The following IRS2 variants were observed in gnomAD, a reference collection of about 807,000 sequenced individuals.
IRS2 encodes insulin receptor substrate 2.
A neutral mutation model predicts 70.9 loss-of-function variants in IRS2; 28 were observed. The observed-to-expected ratio is 0.39, with a 90% confidence interval of 0.29 to 0.54. IRS2 has a LOEUF of 0.54. Ranked by LOEUF, IRS2 falls within the 20% of genes least tolerant of loss-of-function variation. IRS2 has a pLI of 0.59. For synonymous variants in IRS2, 1,217 were observed against 981.9 expected (o/e 1.24, Z -4.48); for missense variants, 2,081 against 2,024.1 (o/e 1.03, Z -0.54).
rs1877838854 is a variant in IRS2, at chr13:109,784,257, G to A, written c.1797C>T (p.Thr599=). Residue 599 remains threonine, a synonymous_variant, in exon 1 of 2, where the codon ACC becomes ACT. Coordinates refer to ENST00000375856, the MANE Select transcript of IRS2 (RefSeq NM_003749.3). This position sits in a 1 kb window ranked among gnomAD's most constrained non-coding sequence, Gnocchi z 5.2. ...TGCCCGAGAAGGTGGCCCGCATCAG[G>A]GTGTATTCATCCAGCGAGGCAGAGG... ...QPSSASLDEY[T]LMRATFSGSA... is the part of the protein sequence containing the mutation. 1.9e-6 allele frequency: 3 copies of A among 1,587,936 alleles called. No individual in the cohort carries two copies. The highest frequency in any genetic ancestry group is 1.7e-6 in the Non-Finnish European group (2 of 1,166,284).
chr13:109,782,305 C>A lies in IRS2; in HGVS notation c.3749G>T (p.Gly1250Val), dbSNP rs779999834. 1.2e-6 allele frequency: 2 copies of A among 1,611,504 alleles called. No homozygotes were observed. The highest frequency in any genetic ancestry group is 1.7e-6 in the Non-Finnish European group (2 of 1,179,410). The change falls in exon 1 of 2, where the codon GGT becomes GTT. Residue 1250 changes from glycine to valine, a missense_variant. By Grantham distance (109) the Gly-to-Val change is moderately radical. Around this residue, in one of 4 missense-constraint regions of IRS2, gnomAD observed 1,615 missense variants for 1,459.5 expected, o/e 1.11. Transcript: ENST00000375856. Reference sequence around the variant, plus strand: ...CACGTCGATGGCGATGTAGTTGAGACCATTCTGGAAGCCGGCAGAGGTCTC... The same window carrying A: ...CACGTCGATGGCGATGTAGTTGAGAACATTCTGGAAGCCGGCAGAGGTCTC... ...RRETSAGFQNGLNYIAIDVRE... is the reference protein window; with the variant it reads ...RRETSAGFQNVLNYIAIDVRE...
chr13:109,786,506 C>CTGCTGCTGGTGT lies in IRS2; in HGVS notation c.-454_-453insACACCAGCAGCA, dbSNP rs1282705792. The CTGCTGCTGGTGT allele has an allele frequency of 6.5e-6, 1 of 154,178 alleles. No homozygotes were observed. The highest frequency in any genetic ancestry group is 1.7e-4 in the East Asian group (1 of 5,944). 9.6% of individuals were successfully genotyped at this position (154,178 alleles called of 1,614,324 possible). A position where few individuals can be genotyped will look rare whatever the true frequency, so the allele number is the denominator to read the frequency against. On this transcript the variant is annotated 5_prime_UTR_variant, in exon 1 of 2. Transcript: ENST00000375856. This position sits in a 1 kb window ranked among gnomAD's most constrained non-coding sequence, Gnocchi z 4.4. ...GGGGTCCGCGCCGCCGCCGGGGCTG[C>CTGCTGCTGGTGT]TGCTGCTGCTGGTGTTGCTGCTGCT...
At chr13:109,776,000 T>A (rs1358116783) in intron 1 of IRS2, among the ~76,000 whole-genome samples, 1 of 151,884 alleles carries the variant, frequency 6.6e-6, no homozygotes, top group African/African-American at 2.4e-5. Flanking sequence ...ATACAAAAAA[T>A]TAGCAGGGCA....
chr13:109,777,461 A>T (rs993863488), intron 1 of IRS2, among the ~76,000 whole-genome samples: 1 of 152,216 alleles, frequency 6.6e-6, no homozygotes, highest in Non-Finnish European at 1.5e-5. Flanking sequence ...ACTTCTAAAG[A>T]AAATAAAATA....
At chr13:109,775,836 C>A (rs1877562409) in intron 1 of IRS2, among the ~76,000 whole-genome samples, 1 of 151,390 alleles carries the variant, frequency 6.6e-6, no homozygotes, top group African/African-American at 2.4e-5. Flanking sequence ...ACCTGATACT[C>A]TTTAAAATGA....
At chr13:109,765,418 A>C (rs1482758861) in intron 1 of IRS2, among the ~76,000 whole-genome samples, 2 of 151,912 alleles carry the variant, frequency 1.3e-5, no homozygotes, top group African/African-American at 4.8e-5. Context: ...AAGCATGTAG[A>C]TATCCCAGCC....
Position 109,783,420 on chromosome 13 carries a change from C to G in IRS2, c.2634G>C (p.Glu878Asp), listed in dbSNP as rs778386128. 6.7e-6 allele frequency: 10 copies of G among 1,491,506 alleles called. No homozygotes were observed. Among genetic ancestry groups the G allele is most frequent in the Non-Finnish European group, 8.0e-6 (9 of 1,129,506 alleles). 92.4% of individuals were successfully genotyped at this position (1,491,506 alleles called of 1,614,324 possible). Residue 878 changes from glutamate to aspartate, a missense_variant, in exon 1 of 2, where the codon GAG (glutamate) becomes GAC (aspartate). This residue lies in a region of IRS2 where 1,615 missense variants were observed against 1,459.5 expected (regional missense o/e 1.11). Coordinates refer to ENST00000375856, the MANE Select transcript of IRS2 (RefSeq NM_003749.3). ...SPVRPSGGRP[E>D]GFLGQRGRAV... ...CCCGGCCGCGCTGGCCCAAGAAGCC[C>G]TCCGGGCGGCCGCCGCTAGGCCGCA...
Position 109,782,635 on chromosome 13 carries a change from G to A in IRS2, c.3419C>T (p.Pro1140Leu), listed in dbSNP as rs765638159. The A allele has an allele frequency of 4.5e-6, 7 of 1,570,964 alleles. No homozygotes were observed. Among genetic ancestry groups the A allele is most frequent in the Non-Finnish European group, 1.7e-6 (2 of 1,160,448 alleles). The change falls in exon 1 of 2, where the codon CCG becomes CTG. Residue 1140 changes from proline (P) to leucine (L), a missense_variant. Coordinates refer to ENST00000375856, the MANE Select transcript of IRS2 (RefSeq NM_003749.3). ...HRGAKVIRAD[P>L]QGGRRRHSSE... is the part of the protein sequence containing the mutation. ...ACTGTGGCGGCGGCGGCCCCCCTGC[G>A]GGTCTGCGCGGATGACCTTGGCGCC...
chr13:109,773,467 G>A (rs1009483768), intron 1 of IRS2, among the ~76,000 whole-genome samples: 3 of 152,160 alleles, frequency 2.0e-5, no homozygotes, highest in African/African-American at 4.8e-5. Context: ...GAATGCACCC[G>A]CTGACTCATC....
At position 109,785,186 on chromosome 13, in the gene IRS2, C is replaced by T. The variant is rs1299942579; in HGVS notation, c.868G>A (p.Ala290Thr). The change falls in exon 1 of 2, where the codon GCC becomes ACC. Residue 290 changes from alanine to threonine, a missense_variant. Coordinates refer to ENST00000375856, the MANE Select transcript of IRS2 (RefSeq NM_003749.3). The surrounding 1 kb of genome is among the most constrained non-coding windows in gnomAD (Gnocchi z 9.3). ...AAGAGCTCCTTGAGCGCCTTCATGG[C>T]CTCCAGGATGGTCTCGTGGATGTTC... Reference protein sequence around the residue: ...AQNIHETILEAMKALKELFEF... With the variant: ...AQNIHETILETMKALKELFEF... The T allele has an allele frequency of 1.2e-5, 20 of 1,602,716 alleles. No homozygotes were observed. The highest frequency in any genetic ancestry group is 1.5e-5 in the Non-Finnish European group (18 of 1,175,442).
rs780133896 is a variant in IRS2, at chr13:109,783,867, G to A, written c.2187C>T (p.Ala729=). ...TFPASGGGYK[A]SSPAESSPED... is the part of the protein sequence containing the mutation. The stretch of plus-strand genomic sequence containing the variant: ...CGGGGGAGCTCTCGGCGGGCGAGCT[G>A]GCCTTGTAGCCGCCCCCGCTCGCCG... Residue 729 remains alanine (A), a synonymous_variant, in exon 1 of 2, where the codon GCC becomes GCT. Coordinates refer to ENST00000375856, the MANE Select transcript of IRS2 (RefSeq NM_003749.3). 1.1e-5 allele frequency: 17 copies of A among 1,553,476 alleles called. No individual in the cohort carries two copies. The South Asian group carries it at 2.0e-4, about 18-fold the overall frequency.
chr13:109,761,735 G>C (rs540745441), intron 1 of IRS2, among the ~76,000 whole-genome samples: 1 of 152,264 alleles, frequency 6.6e-6, no homozygotes, highest in South Asian at 2.1e-4. Flanking sequence ...ACAAACAGGG[G>C]CAATAACTTG....
rs1158190761 is a variant in IRS2, at chr13:109,785,100, G to A, written c.954C>T (p.Ser318=). 1.3e-6 allele frequency: 2 copies of A among 1,588,502 alleles called. No individual in the cohort carries two copies. Among genetic ancestry groups the A allele is most frequent in the Non-Finnish European group, 1.7e-6 (2 of 1,168,562 alleles). The change falls in exon 1 of 2, where the codon AGC becomes AGT. Residue 318 remains serine, a synonymous_variant. Transcript: ENST00000375856. The surrounding 1 kb of genome is among the most constrained non-coding windows in gnomAD (Gnocchi z 9.3). ...GGTGGTGGCGGCGCGCGCCGGGGAC[G>A]CTGATGGGGTGCGTGGCCGACGACC... ...SSGSSATHPI[S]VPGARRHHHL...
At position 109,781,947 on chromosome 13, in the gene IRS2, A is replaced by G; in HGVS notation, c.4012+95T>C. On this transcript the variant is annotated intron_variant, in intron 1 of 1. Transcript: ENST00000375856. ...TGCCAGGCTGTCGGCTTCTGGGTCA[A>G]GGTCCCCAAAAAGTGGGAGCAGTGA... 2.8e-6 allele frequency: 4 copies of G among 1,405,576 alleles called. No homozygotes were observed. The South Asian group carries it at 4.9e-5, about 17-fold the overall frequency. The allele number at this position is 1,405,576 out of a possible 1,614,324, so 87.1% of individuals were successfully genotyped here.
chr13:109,786,048 C>A lies in IRS2; in HGVS notation c.6G>T (p.Ala2=), dbSNP rs1483900723. The part of the protein sequence containing the change: M[A]SPPRHGPPGP... ...CGGGCGGCCCGTGCCGCGGCGGGCT[C>A]GCCATCGCGGGCGCTTCAGGCCGCG... is the stretch of plus-strand genomic sequence containing the variant. The change falls in exon 1 of 2, where the codon GCG becomes GCT. Residue 2 remains alanine, a synonymous_variant. Transcript: ENST00000375856. This position sits in a 1 kb window ranked among gnomAD's most constrained non-coding sequence, Gnocchi z 4.4. 3.1e-6 allele frequency: 4 copies of A among 1,272,170 alleles called. No homozygotes were observed. Among genetic ancestry groups the A allele is most frequent in the South Asian group, 5.1e-5 (2 of 39,550 alleles). 78.8% of individuals were successfully genotyped at this position (1,272,170 alleles called of 1,614,324 possible). A position where few individuals can be genotyped will look rare whatever the true frequency, so the allele number is the denominator to read the frequency against.
At chr13:109,777,127 G>A (rs1054419079) in intron 1 of IRS2, among the ~76,000 whole-genome samples, 1 of 152,066 alleles carries the variant, frequency 6.6e-6, no homozygotes, top group Non-Finnish European at 1.5e-5. Context: ...GGGGCGGGGG[G>A]CACAGCACTT....
rs375606114 is a variant in IRS2, at chr13:109,786,027, C to A, written c.27G>T (p.Pro9=). The A allele has an allele frequency of 3.0e-6, 4 of 1,349,552 alleles. No homozygotes were observed. In the African/African-American group the frequency reaches 6.1e-5, roughly 21 times the overall value. 83.6% of individuals were successfully genotyped at this position (1,349,552 alleles called of 1,614,324 possible). MASPPRHG[P]PGPASGDGPN... ...GGCCGTCTCCGCTCGCCGGCCCGGGCGGCCCGTGCCGCGGCGGGCTCGCCA... is the reference window on the plus strand; with the variant it reads ...GGCCGTCTCCGCTCGCCGGCCCGGGAGGCCCGTGCCGCGGCGGGCTCGCCA... The change falls in exon 1 of 2, where the codon CCG becomes CCT. Residue 9 remains proline (P), a synonymous_variant. Coordinates refer to ENST00000375856, the MANE Select transcript of IRS2 (RefSeq NM_003749.3). The surrounding 1 kb of genome is among the most constrained non-coding windows in gnomAD (Gnocchi z 4.4).
chr13:109,768,414 G>A (rs1437531854), intron 1 of IRS2, among the ~76,000 whole-genome samples: 2 of 152,200 alleles, frequency 1.3e-5, no homozygotes, highest in East Asian at 1.9e-4. Context: ...TACACACCTA[G>A]CCCTCACCTT....
intron 1 of IRS2, among the ~76,000 whole-genome samples, chr13:109,762,770 A>G (rs1179985283): frequency 6.6e-6 from 1 of 152,158 alleles, no homozygotes; most frequent in East Asian, 1.9e-4. Context: ...ATAGGTATTA[A>G]ATTGAAGCGA....
Sources: allele counts gnomAD v4.1 joint callset (sites outside exome capture counted in the v4.1 genomes callset), GRCh38; gene constraint gnomAD v4.1.1; regional missense constraint gnomAD v4.1.1; non-coding constraint Gnocchi (gnomAD v3.1); transcripts MANE v1.5; gene names NCBI Gene and HGNC (gene_info 2026-07-23, HGNC 2026-07-21).